WWP2: variants seen among roughly 807,000 people sequenced by gnomAD.
WWP2 encodes the protein NEDD4-like E3 ubiquitin-protein ligase WWP2.
In WWP2, 57 loss-of-function variants were observed where a neutral mutation model predicts 121.0. The observed-to-expected ratio is 0.47, with a 90% CI of 0.38 to 0.59. WWP2 has a LOEUF of 0.59. WWP2 is among the 20% of genes least tolerant of loss of function. The pLI is 0.00. For synonymous variants in WWP2, 449 were observed against 441.3 expected (o/e 1.02, Z -0.22); for missense variants, 962 against 1,158.9 (o/e 0.83, Z 2.47).
chr16:69,885,529 T>A (rs1326016448), intron 7 of WWP2, among the ~76,000 whole-genome samples: 1 of 152,252 alleles, frequency 6.6e-6, no homozygotes, highest in African/African-American at 2.4e-5. Context: ...CATCACATCA[T>A]ATGAAGAAAT....
rs1307438625 is a variant in WWP2, at chr16:69,935,729, C to T, written c.1843-124C>T. On this transcript the variant is annotated intron_variant, in intron 17 of 23. Coordinates refer to ENST00000359154, the MANE Select transcript of WWP2 (RefSeq NM_001270454.2). This position sits in a 1 kb window ranked among gnomAD's most constrained non-coding sequence, Gnocchi z 5.2. Reference sequence around the variant, plus strand: ...CCCGCTGCGTCCGAGGCAGCTGCTGCTGTAGTTCTGTCAGGGAAGGAAGGC... The same window carrying T: ...CCCGCTGCGTCCGAGGCAGCTGCTGTTGTAGTTCTGTCAGGGAAGGAAGGC... The T allele has an allele frequency of 7.1e-7, 1 of 1,412,172 alleles. No individual in the cohort carries two copies. Among genetic ancestry groups the T allele is most frequent in the African/African-American group, 1.4e-5 (1 of 69,790 alleles). 87.5% of individuals were successfully genotyped at this position (1,412,172 alleles called of 1,614,324 possible).
At chr16:69,777,890 C>T (rs2055569886) in intron 1 of WWP2, among the ~76,000 whole-genome samples, 1 of 150,032 alleles carries the variant, frequency 6.7e-6, no homozygotes, top group Non-Finnish European at 1.5e-5. Flanking sequence ...AACATAGGGA[C>T]CCCCTTCATC....
intron 13 of WWP2, among the ~76,000 whole-genome samples, chr16:69,930,635 G>A (rs763131363): frequency 6.6e-6 from 1 of 152,162 alleles, no homozygotes; most frequent in Non-Finnish European, 1.5e-5. Flanking sequence ...GGAGTTTGAG[G>A]CTGCAGTGAG....
intron 10 of WWP2, 113 bp downstream of exon 10, chr16:69,917,996 A>G (rs978906704): frequency 8.2e-6 from 11 of 1,334,786 alleles, no homozygotes; most frequent in African/African-American, 4.4e-5. Context: ...GCGTCTGGCA[A>G]CGTCAGTGCT....
chr16:69,866,319 T>G (rs1597079090), intron 6 of WWP2, among the ~76,000 whole-genome samples: 1 of 129,010 alleles, frequency 7.8e-6, no homozygotes, highest in African/African-American at 2.9e-5. Context: ...TATTTATTTA[T>G]GGAGACGGAG....
At chr16:69,773,451 T>C (rs1357117253) in intron 1 of WWP2, among the ~76,000 whole-genome samples, 1 of 152,006 alleles carries the variant, frequency 6.6e-6, no homozygotes, top group East Asian at 1.9e-4. Flanking sequence ...AGTGCTAGAA[T>C]TACAGGCATG....
intron 1 of WWP2, among the ~76,000 whole-genome samples, chr16:69,770,081 C>G (rs561121961): frequency 4.6e-5 from 7 of 152,030 alleles, no homozygotes; most frequent in African/African-American, 1.7e-4. Flanking sequence ...AGGCTGGTCT[C>G]GAACTCCTGA....
intron 2 of WWP2, among the ~76,000 whole-genome samples, chr16:69,796,449 C>A (rs1033595425): frequency 6.6e-6 from 1 of 152,246 alleles, no homozygotes; most frequent in South Asian, 2.1e-4. Context: ...AAGGGGTACA[C>A]GGCAGAGTAT....
intron 9 of WWP2, among the ~76,000 whole-genome samples, chr16:69,911,321 A>G (rs2058375895): frequency 6.6e-6 from 1 of 152,236 alleles, no homozygotes; most frequent in Admixed American, 6.5e-5. Context: ...AGCAGTGTTC[A>G]GACCACAGGT....
At chr16:69,861,212 A>G (rs544262358) in intron 6 of WWP2, among the ~76,000 whole-genome samples, 7 of 152,326 alleles carry the variant, frequency 4.6e-5, no homozygotes, top group East Asian at 3.9e-4. Context: ...CAAGCCATCA[A>G]TGGCCACGTT....
At chr16:69,804,870 A>G (rs1407717303) in intron 4 of WWP2, among the ~76,000 whole-genome samples, 1 of 152,158 alleles carries the variant, frequency 6.6e-6, no homozygotes, top group Non-Finnish European at 1.5e-5. Flanking sequence ...AATAGATTCC[A>G]CTTTAAATTT....
At chr16:69,769,720 A>T (rs1282433731) in intron 1 of WWP2, among the ~76,000 whole-genome samples, 1 of 152,186 alleles carries the variant, frequency 6.6e-6, no homozygotes, top group Non-Finnish European at 1.5e-5. Context: ...CAGTAATCTT[A>T]TAAAGTAAGT....
At chr16:69,837,787 C>A (rs975190552) in intron 4 of WWP2, among the ~76,000 whole-genome samples, 6 of 152,120 alleles carry the variant, frequency 3.9e-5, no homozygotes, top group Admixed American at 3.9e-4. Context: ...GAAGGCTGGG[C>A]GCCTTTAGGA....
intron 8 of WWP2, among the ~76,000 whole-genome samples, chr16:69,891,136 G>C (rs2058019785): frequency 6.6e-6 from 1 of 152,150 alleles, no homozygotes; most frequent in Non-Finnish European, 1.5e-5. Flanking sequence ...TGTCTAAGAG[G>C]GAGCATGGCA....
chr16:69,835,254 T>G (rs374161094), intron 4 of WWP2, among the ~76,000 whole-genome samples: 20 of 152,296 alleles, frequency 1.3e-4, no homozygotes, highest in East Asian at 9.6e-4. Flanking sequence ...TGGCTAAGAC[T>G]GCTATTTATA....
At chr16:69,783,780 T>TACAACAACAACAACAACA (rs55923742) in intron 1 of WWP2, among the ~76,000 whole-genome samples, 13,911 of 149,732 alleles carry the variant, frequency 0.093, 719 homozygotes, top group South Asian at 0.16. Context: ...ACCTTGTTTC[T>TACAACAACAACAACAACA]ACAACAACAA....
intron 9 of WWP2, chr16:69,909,079 AT>A: frequency 7.6e-7 from 1 of 1,314,696 alleles, no homozygotes; most frequent in South Asian, 2.0e-5. Flanking sequence ...GGAGGCCAAG[AT>A]TTAGAGTGTT....
intron 8 of WWP2, among the ~76,000 whole-genome samples, chr16:69,891,421 G>A (rs1414189923): frequency 6.6e-6 from 1 of 152,170 alleles, no homozygotes; most frequent in Non-Finnish European, 1.5e-5. Flanking sequence ...TTTGCAGAAT[G>A]CCTTTATCTT....
intron 6 of WWP2, among the ~76,000 whole-genome samples, chr16:69,868,799 G>C (rs1181505089): frequency 6.6e-6 from 1 of 152,198 alleles, no homozygotes; most frequent in Non-Finnish European, 1.5e-5. Context: ...TTGAGGAGGA[G>C]CTGTGGTGAA....
Sources: gnomAD v4.1 joint callset for allele counts (sites outside exome capture counted in the v4.1 genomes callset) on GRCh38, gnomAD v4.1.1 for gene constraint, Gnocchi (gnomAD v3.1) non-coding constraint, MANE v1.5 for transcripts, NCBI Gene and HGNC (gene_info 2026-07-23, HGNC 2026-07-21) for gene names.